TBC1D4: variants seen among roughly 807,000 people sequenced by gnomAD.
TBC1D4 encodes TBC (Tre-2, BUB2, CDC16) domain-containing protein.
Under a neutral mutation model 142.5 loss-of-function variants are expected in TBC1D4, and 121 were observed. The observed-to-expected ratio is 0.85, with a 90% CI of 0.73 to 0.99. The LOEUF (loss-of-function observed/expected upper bound fraction) is 0.99. Ranked by LOEUF, TBC1D4 falls within the 50% of genes least tolerant of loss-of-function variation. TBC1D4 has a pLI of 0.00. For missense variants in TBC1D4, 1,475 were observed against 1,606.6 expected (o/e 0.92, Z 1.40); for synonymous variants, 630 against 628.2 (o/e 1.00, Z -0.04).
At chr13:75,354,930 T>A (rs914490493) in intron 4 of TBC1D4, among the ~76,000 whole-genome samples, 1 of 152,150 alleles carries the variant, frequency 6.6e-6, no homozygotes, top group Non-Finnish European at 1.5e-5. Context: ...GATATCAACA[T>A]GTGGATATTG....
chr13:75,327,117 G>A (rs1879333089), intron 9 of TBC1D4, among the ~76,000 whole-genome samples: 1 of 152,112 alleles, frequency 6.6e-6, no homozygotes, highest in African/African-American at 2.4e-5. Context: ...AATTTAGACA[G>A]GTATGCTGTT....
intron 17 of TBC1D4, among the ~76,000 whole-genome samples, chr13:75,297,502 C>T (rs1455619920): frequency 1.3e-5 from 2 of 152,014 alleles, no homozygotes; most frequent in East Asian, 3.9e-4. Context: ...GCCTGTAATC[C>T]CAGCACTTTG....
At chr13:75,387,026 T>C (rs1884218850) in intron 1 of TBC1D4, among the ~76,000 whole-genome samples, 2 of 152,126 alleles carry the variant, frequency 1.3e-5, no homozygotes, top group South Asian at 2.1e-4. Context: ...GTTTGATCTA[T>C]CAATATTTAT....
At chr13:75,410,768 C>T (rs1885608107) in intron 1 of TBC1D4, among the ~76,000 whole-genome samples, 1 of 150,996 alleles carries the variant, frequency 6.6e-6, no homozygotes, top group African/African-American at 2.4e-5. Context: ...AACCCCGTCT[C>T]TACTAAAAAT....
chr13:75,465,056 C>T lies in TBC1D4; in HGVS notation c.498+16214G>A, dbSNP rs116837068. Among the ~76,000 whole-genome samples, 3 of 152,090 alleles carry T rather than the reference C, an allele frequency of 2.0e-5. No individual in the cohort carries two copies. The South Asian group carries it at 6.2e-4, about 32-fold the overall frequency. ...TCTGAGTGCTTTATACAAATGAATT[C>T]ACTCACTCCTCGCAACAGCCTTATG... On this transcript the variant is annotated intron_variant, in intron 1 of 20. Transcript: ENST00000377636.
At chr13:75,340,350 A>T (rs780469851) in intron 7 of TBC1D4, among the ~76,000 whole-genome samples, 2 of 152,228 alleles carry the variant, frequency 1.3e-5, no homozygotes, top group Admixed American at 6.5e-5. Context: ...CTTCTTCTAT[A>T]TGCAGCAGAG....
chr13:75,439,351 A>G (rs1258832198), intron 1 of TBC1D4, among the ~76,000 whole-genome samples: 1 of 152,188 alleles, frequency 6.6e-6, no homozygotes, highest in Non-Finnish European at 1.5e-5. Flanking sequence ...GTTCAAATGT[A>G]ATACTTTATC....
rs1260455768 is a variant in TBC1D4 at position 75,283,984 on chromosome 13, C to A, written c.*2808G>T. On this transcript the variant is annotated 3_prime_UTR_variant, in exon 21 of 21. Coordinates refer to ENST00000377636, the MANE Select transcript of TBC1D4 (RefSeq NM_014832.5). Reference sequence around the variant, plus strand: ...ATGATGGCTCACTGCAAGCTCACTGCAAGCTCCGCCTCCCAGGTTCAAACT... The same window carrying A: ...ATGATGGCTCACTGCAAGCTCACTGAAAGCTCCGCCTCCCAGGTTCAAACT... Among the ~76,000 whole-genome samples, 1 of 152,038 alleles carries A rather than the reference C, an allele frequency of 6.6e-6. No individual in the cohort carries two copies. Among genetic ancestry groups the A allele is most frequent in the Non-Finnish European group, 1.5e-5 (1 of 68,020 alleles).
At position 75,380,796 on chromosome 13, in the gene TBC1D4, A is replaced by G. The variant is rs116244964; in HGVS notation, c.499-18189T>C. 5.3e-3 allele frequency among the ~76,000 whole-genome samples: 808 copies of G among 152,280 alleles called. 13 individuals carry two copies. The highest frequency in any genetic ancestry group is 0.018 in the African/African-American group (761 of 41,546). The stretch of plus-strand genomic sequence containing the variant: ...ATTTCTGGTGTTATGCCACTGGAAG[A>G]GTTTTCATCATCACCATCCAAATGA... On this transcript the variant is annotated intron_variant, in intron 1 of 20. Transcript: ENST00000377636.
chr13:75,336,892 T>C (rs1206955597), intron 8 of TBC1D4, 29 bp downstream of exon 8: 3 of 1,613,422 alleles, frequency 1.9e-6, no homozygotes, highest in Non-Finnish European at 2.5e-6. Context: ...CAGATATGCA[T>C]ACTTGAAAGA....
intron 1 of TBC1D4, among the ~76,000 whole-genome samples, chr13:75,421,495 T>C (rs891379250): frequency 2.0e-5 from 3 of 152,328 alleles, no homozygotes; most frequent in Middle Eastern, 3.4e-3. Flanking sequence ...AGTAATTCTT[T>C]GGAGTATATT....
Position 75,326,275 on chromosome 13 carries a change from C to G in TBC1D4, c.1955G>C (p.Arg652Thr), listed in dbSNP as rs369912025. The G allele has an allele frequency of 1.9e-6, 3 of 1,614,006 alleles. No individual in the cohort carries two copies. The African/African-American group carries it at 4.0e-5, about 22-fold the overall frequency. The part of the protein sequence containing the change: ...TFSHPPSSTK[R>T]KLNLQDGRAQ... The stretch of plus-strand genomic sequence containing the variant: ...CCTCCCATCCTGCAAATTCAGCTTT[C>G]TCTTTGTGCTTGAAGGTGGGTGGCT... Residue 652 changes from arginine (R) to threonine (T), a missense_variant, in exon 10 of 21, where the codon AGA (arginine) becomes ACA (threonine). Coordinates refer to ENST00000377636, the MANE Select transcript of TBC1D4 (RefSeq NM_014832.5).
At chr13:75,480,768 T>C (rs563555425) in intron 1 of TBC1D4, among the ~76,000 whole-genome samples, 7 of 152,314 alleles carry the variant, frequency 4.6e-5, no homozygotes, top group Middle Eastern at 3.4e-3. Flanking sequence ...GCTGCGAAGA[T>C]GACGCGACCA....
chr13:75,340,612 C>T (rs2138073004), intron 7 of TBC1D4, among the ~76,000 whole-genome samples: 1 of 152,168 alleles, frequency 6.6e-6, no homozygotes, highest in Non-Finnish European at 1.5e-5. Context: ...CATTTTAAGA[C>T]CATCATTAGT....
chr13:75,349,044 G>A, intron 5 of TBC1D4, 126 bp downstream of exon 5: 6 of 1,460,994 alleles, frequency 4.1e-6, no homozygotes, highest in South Asian at 1.2e-5. Context: ...GAGTGGACAT[G>A]AGAAATGATT....
At chr13:75,469,494 G>A (rs1198925921) in intron 1 of TBC1D4, among the ~76,000 whole-genome samples, 2 of 152,168 alleles carry the variant, frequency 1.3e-5, no homozygotes, top group Admixed American at 6.5e-5. Context: ...ATTTTGGCCA[G>A]GTGCTGTGGC....
At chr13:75,287,124 A>T in intron 20 of TBC1D4, 99 bp from the exon 21 acceptor site, 3 of 997,918 alleles carry the variant, frequency 3.0e-6, no homozygotes, top group Non-Finnish European at 4.6e-6. Context: ...ACTTAATAAA[A>T]TATTATGTGA....
rs190135586 is a variant in TBC1D4 at position 75,365,887 on chromosome 13, C to T, written c.499-3280G>A. ...TATAGGAGTGAAAAACTACCTAGAA[C>T]TCTGATATAAATTCTTCAGGACTGA... On this transcript the variant is annotated intron_variant, in intron 1 of 20. Transcript: ENST00000377636. Among the ~76,000 whole-genome samples the T allele has an allele frequency of 9.2e-4, 140 of 152,228 alleles. 1 individual carries two copies. The highest frequency in any genetic ancestry group is 5.8e-4 in the East Asian group (3 of 5,176).
At chr13:75,310,231 T>C in intron 13 of TBC1D4, 80 bp from the exon 14 acceptor site, 1 of 1,373,492 alleles carries the variant, frequency 7.3e-7, no homozygotes, top group Admixed American at 1.9e-5. Flanking sequence ...CACATTCTCA[T>C]CTGATCTTCT....
Sources: gnomAD v4.1 joint callset for allele counts (sites outside exome capture counted in the v4.1 genomes callset) on GRCh38, gnomAD v4.1.1 for gene constraint, MANE v1.5 for transcripts, NCBI Gene and HGNC (gene_info 2026-07-23, HGNC 2026-07-21) for gene names.